Variants in CSNK1G1 observed in about 807,000 individuals in gnomAD.
CSNK1G1 encodes casein kinase I isoform gamma-1.
In CSNK1G1, 22 loss-of-function variants were observed where a neutral mutation model predicts 59.6. The observed-to-expected ratio is 0.37, with a 90% CI of 0.26 to 0.53. The LOEUF (loss-of-function observed/expected upper bound fraction) is 0.53. Ranked by LOEUF, CSNK1G1 falls within the 20% of genes least tolerant of loss-of-function variation. The pLI is 0.89. For missense variants in CSNK1G1, 384 were observed against 519.5 expected, an observed-to-expected ratio of 0.74 and a Z score of 2.54; for synonymous variants, 179 against 177.1, an observed-to-expected ratio of 1.01 and a Z score of -0.08.
At chr15:64,350,940 C>T (rs944724703) in intron 1 of CSNK1G1, among the ~76,000 whole-genome samples, 8 of 151,494 alleles carry the variant, frequency 5.3e-5, no homozygotes, top group African/African-American at 1.9e-4. Flanking sequence ...CTTCTCAGAG[C>T]TTCTATATTG....
Position 64,348,635 on chromosome 15 carries a change from G to A in CSNK1G1, c.-225+7353C>T, listed in dbSNP as rs1476309527. The stretch of plus-strand genomic sequence containing the variant: ...ATTAGTCATTTCTCTCTGCTCACCA[G>A]CACCCACATCAGAGAGTGACCTCTA... On this transcript the variant is annotated intron_variant, in intron 1 of 11. Transcript: ENST00000303052. 3.3e-5 allele frequency among the ~76,000 whole-genome samples: 5 copies of A among 152,072 alleles called. No individual in the cohort carries two copies. The East Asian group carries it at 7.7e-4, about 23-fold the overall frequency.
At chr15:64,263,849 C>G (rs1369135468) in intron 2 of CSNK1G1, among the ~76,000 whole-genome samples, 2 of 129,816 alleles carry the variant, frequency 1.5e-5, no homozygotes, top group Non-Finnish European at 3.3e-5. Context: ...AAAAAAAAAG[C>G]CCTTTTCTAA....
chr15:64,217,279 T>A (rs897689045), intron 4 of CSNK1G1, among the ~76,000 whole-genome samples: 10 of 152,154 alleles, frequency 6.6e-5, no homozygotes, highest in African/African-American at 2.4e-4. Context: ...TTGTTTTTTA[T>A]CAGCTGGAGA....
At chr15:64,236,976 T>C (rs80031209) in intron 4 of CSNK1G1, among the ~76,000 whole-genome samples, 6,533 of 152,264 alleles carry the variant, frequency 0.043, 157 homozygotes, top group South Asian at 0.079. Context: ...TGTGAGATCC[T>C]GTCATTTGCA....
intron 10 of CSNK1G1, chr15:64,189,199 G>C (rs555857659): frequency 3.7e-6 from 1 of 272,000 alleles, no homozygotes; most frequent in African/African-American, 2.3e-5. Context: ...ACAGCGTCTA[G>C]ACTGAATTAG....
At chr15:64,262,194 G>A (rs1295912853) in intron 2 of CSNK1G1, among the ~76,000 whole-genome samples, 1 of 152,178 alleles carries the variant, frequency 6.6e-6, no homozygotes, top group African/African-American at 2.4e-5. Flanking sequence ...AGCAACCTCA[G>A]TTCTCACCCT....
intron 4 of CSNK1G1, among the ~76,000 whole-genome samples, chr15:64,246,118 A>G: frequency 6.6e-6 from 1 of 152,216 alleles, no homozygotes; most frequent in South Asian, 2.1e-4. Context: ...AAGAAATGGT[A>G]AATGTTTGAG....
At chr15:64,316,079 T>C (rs1359064165) in intron 1 of CSNK1G1, among the ~76,000 whole-genome samples, 1 of 152,160 alleles carries the variant, frequency 6.6e-6, no homozygotes, top group Non-Finnish European at 1.5e-5. Flanking sequence ...TACGCCGGAG[T>C]GCAGTAGCAT....
intron 10 of CSNK1G1, among the ~76,000 whole-genome samples, chr15:64,187,935 T>G (rs1056359881): frequency 2.0e-5 from 3 of 152,208 alleles, no homozygotes; most frequent in African/African-American, 7.2e-5. Context: ...CAGAAACAGA[T>G]GACTTATACA....
intron 1 of CSNK1G1, among the ~76,000 whole-genome samples, chr15:64,352,522 C>T (rs536113751): frequency 1.5e-5 from 2 of 137,274 alleles, no homozygotes; most frequent in Non-Finnish European, 3.1e-5. Context: ...CTTGGCTCAC[C>T]GCAACCTCCA....
chr15:64,340,135 T>C (rs891907138), intron 1 of CSNK1G1, among the ~76,000 whole-genome samples: 8 of 152,224 alleles, frequency 5.3e-5, no homozygotes, highest in African/African-American at 1.9e-4. Flanking sequence ...GTTTGGTCTA[T>C]AGAATACATA....
intron 1 of CSNK1G1, among the ~76,000 whole-genome samples, chr15:64,325,872 G>C (rs1322900062): frequency 3.3e-5 from 5 of 152,198 alleles, no homozygotes; most frequent in Non-Finnish European, 5.9e-5. Context: ...CAGAGAGACA[G>C]AGAGTTAGTT....
At chr15:64,291,343 T>C (rs974785301) in intron 2 of CSNK1G1, among the ~76,000 whole-genome samples, 1 of 152,160 alleles carries the variant, frequency 6.6e-6, no homozygotes, top group African/African-American at 2.4e-5. Flanking sequence ...TCCCAGCACT[T>C]TGGGAGGCTG....
chr15:64,180,167 C>A, intron 11 of CSNK1G1, 181 bp downstream of exon 11: 1 of 570,746 alleles, frequency 1.8e-6, no homozygotes, highest in Non-Finnish European at 3.2e-6. Flanking sequence ...TCCCCGAAAT[C>A]ACAGCTAAAG....
At chr15:64,203,694 T>TAAAAAAAAAAAAAAAA (rs531367701) in intron 9 of CSNK1G1, among the ~76,000 whole-genome samples, 2 of 56,176 alleles carry the variant, frequency 3.6e-5, no homozygotes, top group African/African-American at 1.5e-4. Flanking sequence ...TGAAACTCCG[T>TAAAAAAAAAAAAAAAA]AAAAAAAAAA....
intron 2 of CSNK1G1, among the ~76,000 whole-genome samples, chr15:64,280,542 A>G (rs1356394453): frequency 6.6e-6 from 1 of 152,016 alleles, no homozygotes; most frequent in Non-Finnish European, 1.5e-5. Context: ...TTGTATTTTT[A>G]GTAGAGACAG....
rs532603272 is a variant in CSNK1G1, at chr15:64,252,904, T to G, written c.223-1323A>C. 2.6e-5 allele frequency among the ~76,000 whole-genome samples: 4 copies of G among 152,254 alleles called. No individual in the cohort carries two copies. The South Asian group carries it at 8.3e-4, about 32-fold the overall frequency. ...AAACATTACCCTAAACACATTATAATCTCTCTTTAAAACCTCAACAGTAGC... is the reference window on the plus strand; with the variant it reads ...AAACATTACCCTAAACACATTATAAGCTCTCTTTAAAACCTCAACAGTAGC... On this transcript the variant is annotated intron_variant, in intron 3 of 11. Coordinates refer to ENST00000303052, the MANE Select transcript of CSNK1G1 (RefSeq NM_022048.5).
At chr15:64,316,641 CA>C (rs1896284523) in intron 1 of CSNK1G1, among the ~76,000 whole-genome samples, 1 of 151,720 alleles carries the variant, frequency 6.6e-6, no homozygotes, top group Non-Finnish European at 1.5e-5. Flanking sequence ...TTTCTGCCTC[CA>C]AAGAAAAAAG....
At chr15:64,223,826 T>C (rs2082422005) in intron 4 of CSNK1G1, among the ~76,000 whole-genome samples, 2 of 152,202 alleles carry the variant, frequency 1.3e-5, no homozygotes, top group South Asian at 4.1e-4. Context: ...TACATCAAGC[T>C]GCACAGAATA....
Sources: gnomAD v4.1 joint callset for allele counts (sites outside exome capture counted in the v4.1 genomes callset) on GRCh38, gnomAD v4.1.1 for gene constraint, MANE v1.5 for transcripts, NCBI Gene and HGNC (gene_info 2026-07-23, HGNC 2026-07-21) for gene names.